The following SCNN1B variants were observed in gnomAD, a reference collection of about 807,000 sequenced individuals.
SCNN1B encodes sodium channel epithelial 1 subunit beta.
A neutral mutation model predicts 65.3 loss-of-function variants in SCNN1B; 46 were observed. That is an observed-to-expected ratio of 0.70 (90% CI 0.56 to 0.90). The LOEUF (loss-of-function observed/expected upper bound fraction) is 0.90, where lower values mean the gene tolerates loss of function less well. SCNN1B is among the 40% of genes least tolerant of loss of function. SCNN1B has a pLI of 0.00. For missense variants in SCNN1B, 751 were observed against 830.5 expected (o/e 0.90, Z 1.18); for synonymous variants, 349 against 330.6 (o/e 1.06, Z -0.60).
chr16:23,339,576 A>G (rs1962012274), intron 1 of SCNN1B, among the ~76,000 whole-genome samples: 1 of 150,840 alleles, frequency 6.6e-6, no homozygotes, highest in Non-Finnish European at 1.5e-5. Flanking sequence ...TATTATTATT[A>G]TTATTTTGAG....
chr16:23,316,927 C>T (rs2141990765), intron 1 of SCNN1B, among the ~76,000 whole-genome samples: 1 of 152,316 alleles, frequency 6.6e-6, no homozygotes, highest in East Asian at 1.9e-4. Context: ...CCATCACCAT[C>T]ACCATTCTCA....
intron 10 of SCNN1B, among the ~76,000 whole-genome samples, chr16:23,377,610 CTTTCTTCCTTCCTTCATT>C (rs1432741812): frequency 0.019 from 2,013 of 106,988 alleles, 14 homozygotes; most frequent in East Asian, 0.1. Context: ...TTCCTTCCTT[CTTTCTTCCTTCCTTCATT>C]CCTTCTCCCT....
chr16:23,302,877 T>C (rs72652280), intron 1 of SCNN1B, among the ~76,000 whole-genome samples: 354 of 152,220 alleles, frequency 2.3e-3, no homozygotes, highest in Admixed American at 4.8e-3. Flanking sequence ...GTGGTTCTCT[T>C]GCTGTCCCCA....
chr16:23,357,355 G>T (rs1486622047), intron 4 of SCNN1B, among the ~76,000 whole-genome samples: 1 of 152,236 alleles, frequency 6.6e-6, no homozygotes, highest in Non-Finnish European at 1.5e-5. Flanking sequence ...GGCCAAGGCG[G>T]GTGGATCACC....
intron 4 of SCNN1B, among the ~76,000 whole-genome samples, chr16:23,363,304 T>C (rs960898819): frequency 2.6e-5 from 4 of 152,154 alleles, no homozygotes; most frequent in Non-Finnish European, 5.9e-5. Context: ...TATCTGGTGT[T>C]ACAAATGGGG....
chr16:23,371,773 C>G lies in SCNN1B; in HGVS notation c.1045-3C>G. 1 of 1,613,094 alleles carries G rather than the reference C, an allele frequency of 6.2e-7. No individual in the cohort carries two copies. The highest frequency in any genetic ancestry group is 8.5e-7 in the Non-Finnish European group (1 of 1,178,972). On this transcript the variant is annotated splice_region_variant and splice_polypyrimidine_tract_variant and intron_variant, in intron 6 of 12. Coordinates refer to ENST00000343070, the MANE Select transcript of SCNN1B (RefSeq NM_000336.3). ...CCCCCTCAAGCAACCCCTCTAAACA[C>G]AGGACAAGCTTCAGCGCATGGGGGA...
chr16:23,356,636 A>C (rs961851473), intron 4 of SCNN1B, among the ~76,000 whole-genome samples: 1 of 152,062 alleles, frequency 6.6e-6, no homozygotes, highest in African/African-American at 2.4e-5. Context: ...AAAAAAAAAA[A>C]ACAAAAAACA....
intron 1 of SCNN1B, among the ~76,000 whole-genome samples, chr16:23,303,156 G>A (rs1961122139): frequency 6.6e-6 from 1 of 152,172 alleles, no homozygotes; most frequent in Non-Finnish European, 1.5e-5. Flanking sequence ...GTGCTGTGGA[G>A]GGAAAGGGTC....
Position 23,353,091 on chromosome 16 carries a change from C to T in SCNN1B, c.585+17C>T. 1.9e-6 allele frequency: 3 copies of T among 1,613,902 alleles called. No individual in the cohort carries two copies. In the South Asian group the frequency reaches 3.3e-5, roughly 18 times the overall value. On this transcript the variant is annotated intron_variant, in intron 3 of 12. Coordinates refer to ENST00000343070, the MANE Select transcript of SCNN1B (RefSeq NM_000336.3). ...ATGAGACTAGTAAGTGGTCCCTGGG[C>T]ACATATCAAGCAATGGGCCCCACCC...
intron 1 of SCNN1B, among the ~76,000 whole-genome samples, chr16:23,344,200 T>G (rs561143331): frequency 6.6e-6 from 1 of 152,336 alleles, no homozygotes; most frequent in East Asian, 1.9e-4. Flanking sequence ...AGGTGGCTCT[T>G]AAAAGTAAGC....
chr16:23,380,909 C>A lies in SCNN1B; in HGVS notation c.*108C>A. The A allele has an allele frequency of 1.6e-6, 2 of 1,235,894 alleles. No homozygotes were observed. The highest frequency in any genetic ancestry group is 2.4e-6 in the Non-Finnish European group (2 of 844,264). 76.6% of individuals were successfully genotyped at this position (1,235,894 alleles called of 1,614,324 possible). ...TCCAAAGGGTCGGGAGGGTAGCTCT[C>A]CAGGCCAGAGCTTGTGTCCTTCAAC... On this transcript the variant is annotated 3_prime_UTR_variant, in exon 13 of 13. Coordinates refer to ENST00000343070, the MANE Select transcript of SCNN1B (RefSeq NM_000336.3). This position sits in a 1 kb window ranked among gnomAD's most constrained non-coding sequence, Gnocchi z 5.4.
Position 23,380,412 on chromosome 16 carries a change from T to A in SCNN1B, c.1543-9T>A. The A allele has an allele frequency of 6.2e-7, 1 of 1,614,078 alleles. No individual in the cohort carries two copies. The highest frequency in any genetic ancestry group is 1.1e-5 in the South Asian group (1 of 91,082). ...GCCTGAGCTCACCCCAGCTCCCTGTTCCCCACAGATCGTCTGGCTGCTCTC... is the reference window on the plus strand; with the variant it reads ...GCCTGAGCTCACCCCAGCTCCCTGTACCCCACAGATCGTCTGGCTGCTCTC... On this transcript the variant is annotated splice_polypyrimidine_tract_variant and intron_variant, in intron 12 of 12. Transcript: ENST00000343070. The surrounding 1 kb of genome is among the most constrained non-coding windows in gnomAD (Gnocchi z 5.4).
At chr16:23,283,720 C>T (rs1224393671) in intron 1 of SCNN1B, 3 of 152,104 alleles carry the variant, frequency 2.0e-5, no homozygotes, top group African/African-American at 7.2e-5. Flanking sequence ...AAATTAATTA[C>T]ACAAATGATT....
At chr16:23,322,452 A>G (rs1445572894) in intron 1 of SCNN1B, among the ~76,000 whole-genome samples, 1 of 150,628 alleles carries the variant, frequency 6.6e-6, no homozygotes, top group Non-Finnish European at 1.5e-5. Flanking sequence ...GGTGCACACC[A>G]CCATGCTTGG....
At chr16:23,298,562 T>C (rs1596813004), upstream of SCNN1B, among the ~76,000 whole-genome samples, 1 of 152,320 alleles carries the variant, frequency 6.6e-6, no homozygotes, top group East Asian at 1.9e-4. Context: ...AGAGGTGCTG[T>C]TGGTGCCTCT....
chr16:23,368,547 G>T (rs1962719432), intron 5 of SCNN1B, among the ~76,000 whole-genome samples: 1 of 152,046 alleles, frequency 6.6e-6, no homozygotes, highest in South Asian at 2.1e-4. Context: ...GAGCTCCAGA[G>T]CAACCTTCTC....
At chr16:23,283,647 C>T (rs565061092) in intron 1 of SCNN1B, 1 of 152,216 alleles carries the variant, frequency 6.6e-6, no homozygotes, top group African/African-American at 2.4e-5. Flanking sequence ...CAGGGATTGT[C>T]TGCATTGTCC....
rs1962165456 is a variant in SCNN1B, at chr16:23,345,410, T to C, written c.-8-3182T>C. Among the ~76,000 whole-genome samples the C allele has an allele frequency of 2.0e-5, 3 of 152,366 alleles. No individual in the cohort carries two copies. In the South Asian group the frequency reaches 6.2e-4, roughly 32 times the overall value. ...CATAAATAAGAAAGAAAATGTATTG[T>C]TTCCATATCTGATGAGGCCAGGAAT... On this transcript the variant is annotated intron_variant, in intron 1 of 12. Transcript: ENST00000343070.
chr16:23,338,537 G>A (rs537011804), intron 1 of SCNN1B, among the ~76,000 whole-genome samples: 96 of 152,294 alleles, frequency 6.3e-4, no homozygotes, highest in African/African-American at 1.8e-3. Flanking sequence ...GTTTTGCTGC[G>A]AAAATAAGTA....
Sources: gnomAD v4.1 joint callset for allele counts (sites outside exome capture counted in the v4.1 genomes callset) on GRCh38, gnomAD v4.1.1 for gene constraint, Gnocchi (gnomAD v3.1) non-coding constraint, MANE v1.5 for transcripts, NCBI Gene and HGNC (gene_info 2026-07-23, HGNC 2026-07-21) for gene names.